The following GARIN1A variants were observed in gnomAD, a reference collection of about 807,000 sequenced individuals.
GARIN1A encodes the protein golgi associated RAB2 interactor 1A.
chr7:128,673,458 G>C, the GARIN1A span, among the ~76,000 whole-genome samples: 5 of 152,202 alleles, frequency 3.3e-5, no homozygotes, highest in Admixed American at 1.3e-4. Context: ...TGAGATTTTG[G>C]TAAGTGGAAG....
At chr7:128,683,057 A>C in the GARIN1A span, 7 of 1,611,556 alleles carry the variant, frequency 4.3e-6, no homozygotes, top group South Asian at 7.7e-5. Context: ...TACCCATGAG[A>C]GCTGCCTTGA....
chr7:128,676,438 TAA>T, the GARIN1A span, among the ~76,000 whole-genome samples: 21 of 142,650 alleles, frequency 1.5e-4, 1 homozygote, highest in East Asian at 2.1e-3. Flanking sequence ...TGTGTGTGTG[TAA>T]GTGTGTGTGT....
the GARIN1A span, chr7:128,686,792 C>G: frequency 6.6e-6 from 1 of 152,130 alleles, no homozygotes; most frequent in Non-Finnish European, 1.5e-5. Flanking sequence ...AGGAGAATCT[C>G]TTGAACTGGG....
At chr7:128,695,097 G>T in the GARIN1A span, among the ~76,000 whole-genome samples, 1 of 152,166 alleles carries the variant, frequency 6.6e-6, no homozygotes, top group African/African-American at 2.4e-5. The surrounding 1 kb of genome is among the most constrained non-coding windows in gnomAD (Gnocchi z 4.5). Flanking sequence ...AACCTTTAAA[G>T]AAAAAGATGT....
At chr7:128,676,618 G>A in the GARIN1A span, among the ~76,000 whole-genome samples, 5 of 151,826 alleles carry the variant, frequency 3.3e-5, no homozygotes, top group South Asian at 8.4e-4. Flanking sequence ...AGATAGAGGG[G>A]GTTTCCAAGG....
chr7:128,684,695 C>T, the GARIN1A span: 1 of 151,404 alleles, frequency 6.6e-6, no homozygotes. Context: ...GCTCCCCTGG[C>T]TCATACAACA....
chr7:128,677,582 C>G, the GARIN1A span: 687 of 1,608,622 alleles, frequency 4.3e-4, 1 homozygote, highest in Non-Finnish European at 5.6e-4. Flanking sequence ...CCCTGAAGTA[C>G]GTGGAGCTAC....
chr7:128,706,298 C>T, the GARIN1A span, among the ~76,000 whole-genome samples: 3 of 152,066 alleles, frequency 2.0e-5, no homozygotes, highest in East Asian at 1.9e-4. Flanking sequence ...CCAAGAAATC[C>T]CGGTTCTTTA....
the GARIN1A span, among the ~76,000 whole-genome samples, chr7:128,700,993 C>T: frequency 6.6e-6 from 1 of 152,130 alleles, no homozygotes; most frequent in Non-Finnish European, 1.5e-5. Context: ...CAAATCTACA[C>T]AGTCCTAAGT....
chr7:128,701,743 G>A, the GARIN1A span, among the ~76,000 whole-genome samples: 5 of 152,148 alleles, frequency 3.3e-5, no homozygotes, highest in African/African-American at 4.8e-5. Context: ...GCAAGGAGAC[G>A]TAAAGAACGA....
the GARIN1A span, among the ~76,000 whole-genome samples, chr7:128,680,435 C>T: frequency 6.6e-6 from 1 of 152,208 alleles, no homozygotes; most frequent in Non-Finnish European, 1.5e-5. Context: ...GCTAACAAAG[C>T]AGGCTCATGG....
At chr7:128,684,078 T>C in the GARIN1A span, 3 of 152,176 alleles carry the variant, frequency 2.0e-5, no homozygotes, top group African/African-American at 7.2e-5. Context: ...ACATGAGATT[T>C]GGGCAGGGAG....
At chr7:128,689,304 C>G in the GARIN1A span, among the ~76,000 whole-genome samples, 2 of 151,642 alleles carry the variant, frequency 1.3e-5, no homozygotes, top group East Asian at 3.9e-4. Flanking sequence ...GCTGCCCAGT[C>G]TGGGAAGTGA....
At chr7:128,706,456 C>G in the GARIN1A span, among the ~76,000 whole-genome samples, 1 of 151,894 alleles carries the variant, frequency 6.6e-6, no homozygotes, top group East Asian at 1.9e-4. Flanking sequence ...CATTTTTATA[C>G]ACTCATGCAC....
chr7:128,704,288 G>T, the GARIN1A span, among the ~76,000 whole-genome samples: 1 of 150,228 alleles, frequency 6.7e-6, no homozygotes, highest in Admixed American at 6.7e-5. Context: ...AGATCATCAG[G>T]CATTATTAGT....
the GARIN1A span, among the ~76,000 whole-genome samples, chr7:128,692,265 C>G: frequency 6.6e-6 from 1 of 152,206 alleles, no homozygotes; most frequent in Non-Finnish European, 1.5e-5. Flanking sequence ...CTGGGTCCTA[C>G]TAGACTGACC....
the GARIN1A span, among the ~76,000 whole-genome samples, chr7:128,704,717 T>C: frequency 2.0e-5 from 3 of 152,118 alleles, no homozygotes; most frequent in Non-Finnish European, 4.4e-5. Flanking sequence ...AGGCCGAACT[T>C]GGGTGATAAT....
chr7:128,702,272 A>T, the GARIN1A span, among the ~76,000 whole-genome samples: 27,585 of 152,120 alleles, frequency 0.18, 2,653 homozygotes, highest in Middle Eastern at 0.28. Context: ...ATCAATTTTT[A>T]AAAAAATTTT....
the GARIN1A span, among the ~76,000 whole-genome samples, chr7:128,672,030 A>T: frequency 8.5e-5 from 13 of 152,156 alleles, no homozygotes; most frequent in African/African-American, 2.9e-4. Flanking sequence ...TGGCCAGCTC[A>T]CTGCTGCCTT....
Sources: allele counts gnomAD v4.1 joint callset (sites outside exome capture counted in the v4.1 genomes callset), GRCh38; gene constraint gnomAD v4.1.1; non-coding constraint Gnocchi (gnomAD v3.1); transcripts MANE v1.5; gene names NCBI Gene and HGNC (gene_info 2026-07-23, HGNC 2026-07-21).